Variants in L3MBTL3 observed in about 807,000 individuals in gnomAD.
L3MBTL3 encodes the protein L3MBTL histone methyl-lysine binding protein 3.
L3MBTL3 carries 27 observed loss-of-function variants against 102.3 expected under a neutral mutation model. That is an observed-to-expected ratio of 0.26 (90% CI 0.19 to 0.36). The LOEUF (loss-of-function observed/expected upper bound fraction) is 0.36. Ranked by LOEUF, L3MBTL3 falls within the 10% of genes least tolerant of loss-of-function variation. The pLI, the probability that L3MBTL3 is intolerant of heterozygous loss-of-function variation, is 1.00. For synonymous variants in L3MBTL3, 340 were observed against 320.9 expected, an observed-to-expected ratio of 1.06 and a Z score of -0.64; for missense variants, 798 against 955.3, an observed-to-expected ratio of 0.84 and a Z score of 2.17.
chr6:130,090,232 A>G (rs879431649), intron 16 of L3MBTL3, among the ~76,000 whole-genome samples: 5 of 152,134 alleles, frequency 3.3e-5, no homozygotes, highest in Non-Finnish European at 7.3e-5. Context: ...ACTGCATTCT[A>G]TTTCATTATA....
At chr6:130,071,431 C>T (rs1206505316) in intron 13 of L3MBTL3, among the ~76,000 whole-genome samples, 1 of 152,100 alleles carries the variant, frequency 6.6e-6, no homozygotes, top group Non-Finnish European at 1.5e-5. Flanking sequence ...TCATGCCCAC[C>T]AGCTAATTTA....
intron 1 of L3MBTL3, chr6:130,020,424 A>G (rs1778917315): frequency 1.3e-5 from 2 of 152,164 alleles, no homozygotes; most frequent in Admixed American, 6.5e-5. Context: ...GACTGGTGGT[A>G]AAACTTTAAT....
intron 22 of L3MBTL3, among the ~76,000 whole-genome samples, chr6:130,138,812 A>G (rs985138839): frequency 3.3e-5 from 5 of 152,172 alleles, no homozygotes; most frequent in Admixed American, 1.3e-4. Flanking sequence ...TCATAATGAA[A>G]GACTGTTTCT....
intron 10 of L3MBTL3, among the ~76,000 whole-genome samples, chr6:130,065,611 G>A (rs758044957): frequency 1.1e-4 from 16 of 152,210 alleles, no homozygotes; most frequent in Non-Finnish European, 2.1e-4. Context: ...GCGGGTAGAG[G>A]TCTGGCGTGA....
chr6:130,128,834 G>A (rs547234940), intron 20 of L3MBTL3, among the ~76,000 whole-genome samples: 1 of 152,294 alleles, frequency 6.6e-6, no homozygotes, highest in East Asian at 1.9e-4. Flanking sequence ...TAGCATACCA[G>A]TGCATGATGA....
At chr6:130,104,370 T>A (rs373316719) in intron 18 of L3MBTL3, 56 bp from the exon 19 acceptor site, 1 of 1,269,262 alleles carries the variant, frequency 7.9e-7, no homozygotes, top group Non-Finnish European at 1.1e-6. Flanking sequence ...GGAAGAAGTA[T>A]GGCCTAATGG....
intron 2 of L3MBTL3, among the ~76,000 whole-genome samples, chr6:130,029,518 A>C (rs959690999): frequency 4.6e-5 from 7 of 152,058 alleles, no homozygotes; most frequent in Admixed American, 1.3e-4. Context: ...TTGGCAGTTA[A>C]ATTTTTTTTC....
intron 1 of L3MBTL3, among the ~76,000 whole-genome samples, chr6:130,021,176 AG>A (rs1234127968): frequency 1.3e-5 from 2 of 152,196 alleles, no homozygotes; most frequent in Non-Finnish European, 1.5e-5. Context: ...GAAAGTTTCA[AG>A]TGCAGCAAAA....
At chr6:130,116,281 C>G (rs1406451857) in intron 19 of L3MBTL3, among the ~76,000 whole-genome samples, 3 of 152,178 alleles carry the variant, frequency 2.0e-5, no homozygotes, top group Non-Finnish European at 4.4e-5. Context: ...TCTTAACATG[C>G]CCCTCTGACG....
At chr6:130,073,626 G>A (rs573792372) in intron 13 of L3MBTL3, among the ~76,000 whole-genome samples, 2 of 152,122 alleles carry the variant, frequency 1.3e-5, no homozygotes, top group South Asian at 2.1e-4. Flanking sequence ...CATAAGATGC[G>A]TTGCCTTTGA....
chr6:130,024,584 T>C (rs1445086996), intron 2 of L3MBTL3, among the ~76,000 whole-genome samples: 1 of 152,196 alleles, frequency 6.6e-6, no homozygotes, highest in Non-Finnish European at 1.5e-5. Context: ...CAATGCTGTT[T>C]ATAGTAGTGC....
At position 130,057,474 on chromosome 6, in the gene L3MBTL3, G is replaced by A; in HGVS notation, c.736G>A (p.Val246Met). 1.2e-6 allele frequency: 2 copies of A among 1,610,074 alleles called. No homozygotes were observed. The highest frequency in any genetic ancestry group is 1.7e-6 in the Non-Finnish European group (2 of 1,178,742). Reference protein sequence around the residue: ...SYLEEEKAVAVPAKLFKEHQS... With the variant: ...SYLEEEKAVAMPAKLFKEHQS... Reference sequence around the variant, plus strand: ...CCTGGAAGAGGAGAAAGCGGTGGCAGTGCCGGCGAAGCTGTTCAAGGAGGT... The same window carrying A: ...CCTGGAAGAGGAGAAAGCGGTGGCAATGCCGGCGAAGCTGTTCAAGGAGGT... The change falls in exon 9 of 23, where the codon GTG becomes ATG. Residue 246 changes from valine to methionine, a missense_variant. Coordinates refer to ENST00000361794, the MANE Select transcript of L3MBTL3 (RefSeq NM_032438.4).
Position 130,139,779 on chromosome 6 carries a change from G to T in L3MBTL3, c.*26G>T, listed in dbSNP as rs756122996. 34 of 1,606,550 alleles carry T rather than the reference G, an allele frequency of 2.1e-5. No individual in the cohort carries two copies. The highest frequency in any genetic ancestry group is 1.8e-4 in the Admixed American group (11 of 59,928). On this transcript the variant is annotated 3_prime_UTR_variant, in exon 23 of 23. Coordinates refer to ENST00000361794, the MANE Select transcript of L3MBTL3 (RefSeq NM_032438.4). ...AGATGGTGAATTCTGAATACCATCAGCATTCTGCTTTAAAGCTCATGTTTT... is the reference window on the plus strand; with the variant it reads ...AGATGGTGAATTCTGAATACCATCATCATTCTGCTTTAAAGCTCATGTTTT...
intron 2 of L3MBTL3, among the ~76,000 whole-genome samples, chr6:130,037,252 A>G (rs181380529): frequency 3.3e-4 from 50 of 152,312 alleles, no homozygotes; most frequent in Admixed American, 2.5e-3. Flanking sequence ...ATTTTATACT[A>G]TAAGATAATT....
At chr6:130,061,375 C>G (rs1204233637) in intron 10 of L3MBTL3, among the ~76,000 whole-genome samples, 2 of 152,216 alleles carry the variant, frequency 1.3e-5, no homozygotes. Context: ...GCCACCACGC[C>G]CAGCCCATCT....
chr6:130,058,706 CATT>C (rs1216448016), intron 9 of L3MBTL3, among the ~76,000 whole-genome samples: 1 of 152,260 alleles, frequency 6.6e-6, no homozygotes, highest in Admixed American at 6.5e-5. Flanking sequence ...TCAGTTAGGT[CATT>C]GTAGCACAAA....
intron 2 of L3MBTL3, among the ~76,000 whole-genome samples, chr6:130,037,701 A>G (rs1466954383): frequency 6.6e-6 from 1 of 152,178 alleles, no homozygotes; most frequent in Non-Finnish European, 1.5e-5. Flanking sequence ...ATTTTGATAC[A>G]TGCATATCAT....
chr6:130,063,017 G>A (rs1204116920), intron 10 of L3MBTL3, among the ~76,000 whole-genome samples: 8 of 68,540 alleles, frequency 1.2e-4, no homozygotes, highest in Admixed American at 5.6e-4. Context: ...TTTTTTTTTC[G>A]CCCCTTTGCA....
chr6:130,047,144 G>C (rs1780775968), intron 3 of L3MBTL3, among the ~76,000 whole-genome samples: 1 of 151,998 alleles, frequency 6.6e-6, no homozygotes. Context: ...TGAAAACTAT[G>C]AATCTTGTCC....
Sources: gnomAD v4.1 joint callset for allele counts (sites outside exome capture counted in the v4.1 genomes callset) on GRCh38, gnomAD v4.1.1 for gene constraint, MANE v1.5 for transcripts, NCBI Gene and HGNC (gene_info 2026-07-23, HGNC 2026-07-21) for gene names.